The following TANC2 variants were observed in gnomAD, a reference collection of about 807,000 sequenced individuals.
TANC2 encodes the protein tetratricopeptide repeat, ankyrin repeat and coiled-coil containing 2, also known as protein TANC2.
In TANC2, 26 loss-of-function variants were observed where a neutral mutation model predicts 210.5. The ratio of observed to expected loss-of-function variants is 0.12; its 90% CI spans 0.09 to 0.17. The LOEUF is 0.17. Among genes scored for constraint, TANC2 ranks in the 10% least tolerant of loss-of-function variants. TANC2 has a pLI of 1.00. For missense variants in TANC2, 2,129 were observed against 2,608.9 expected, an observed-to-expected ratio of 0.82 and a Z score of 4.01; for synonymous variants, 931 against 967.1, an observed-to-expected ratio of 0.96 and a Z score of 0.69.
intron 2 of TANC2, among the ~76,000 whole-genome samples, chr17:63,033,213 C>T (rs2144157784): frequency 6.6e-6 from 1 of 152,224 alleles, no homozygotes; most frequent in Non-Finnish European, 1.5e-5. Flanking sequence ...ATTATGTAGG[C>T]ATGATTGATG....
chr17:63,191,732 G>A (rs1230231232), intron 5 of TANC2, among the ~76,000 whole-genome samples: 1 of 152,078 alleles, frequency 6.6e-6, no homozygotes, highest in Non-Finnish European at 1.5e-5. Context: ...CAAAGTGCTG[G>A]GATTTCAAGC....
At chr17:63,035,530 G>A (rs1276346659) in intron 2 of TANC2, among the ~76,000 whole-genome samples, 2 of 152,180 alleles carry the variant, frequency 1.3e-5, no homozygotes, top group African/African-American at 2.4e-5. Context: ...GTGTCAAAAA[G>A]TACTAGCGAG....
chr17:63,424,776 A>G (rs2049105138), exon 28 of TANC2: 1 of 152,214 alleles, frequency 6.6e-6, no homozygotes, highest in Admixed American at 6.5e-5. Flanking sequence ...ATTAGAAAAT[A>G]GCAGAACCGC....
At position 62,988,218 on chromosome 17, in the gene TANC2, C is replaced by T. The variant is rs1320765421; in HGVS notation, c.-23-21319C>T. 3.3e-5 allele frequency among the ~76,000 whole-genome samples: 5 copies of T among 152,008 alleles called. No homozygotes were observed. The East Asian group carries it at 9.7e-4, about 29-fold the overall frequency. ...TCTCAGCTCACTGCAACCTCTGCCT[C>T]CTAGGTTCAAGCGATTCTTCTGCCT... On this transcript the variant is annotated intron_variant, in intron 1 of 27. Transcript: ENST00000689528.
chr17:63,305,645 A>T (rs1035770916), intron 9 of TANC2: 1 of 152,218 alleles, frequency 6.6e-6, no homozygotes, highest in African/African-American at 2.4e-5. Context: ...AAATGTTAAT[A>T]AGTAGTGTAA....
At chr17:63,163,734 A>G (rs2040108164) in intron 5 of TANC2, among the ~76,000 whole-genome samples, 1 of 152,216 alleles carries the variant, frequency 6.6e-6, no homozygotes, top group Non-Finnish European at 1.5e-5. Flanking sequence ...AGAATCCTGT[A>G]TTCATAGACC....
intron 4 of TANC2, among the ~76,000 whole-genome samples, chr17:63,114,769 TAA>T (rs1374925584): frequency 6.6e-6 from 1 of 152,192 alleles, no homozygotes; most frequent in Admixed American, 6.5e-5. Context: ...TAAAACTGTA[TAA>T]GTTTTAGCAT....
intron 8 of TANC2, among the ~76,000 whole-genome samples, chr17:63,256,823 A>G (rs562049414): frequency 9.2e-5 from 14 of 152,128 alleles, no homozygotes; most frequent in Non-Finnish European, 1.8e-4. Flanking sequence ...TACAGTTGTT[A>G]TATCCTCTTG....
In TANC2 at chr17:63,170,129, C is replaced by CA. The variant is rs199704945; in HGVS notation, c.433+18759dup. Among the ~76,000 whole-genome samples, 743 of 128,960 alleles carry CA rather than the reference C, an allele frequency of 5.8e-3. 1 individual carries two copies. Among genetic ancestry groups the CA allele is most frequent in the Non-Finnish European group, 8.9e-3 (547 of 61,784 alleles). 84.6% of individuals were successfully genotyped at this position (128,960 alleles called of 152,430 possible). A position where few individuals can be genotyped will look rare whatever the true frequency, so the allele number is the denominator to read the frequency against. On this transcript the variant is annotated intron_variant, in intron 5 of 27. Transcript: ENST00000689528. The stretch of plus-strand genomic sequence containing the variant: ...TGGGTGATAGAGCAAGACTCTGTCT[C>CA]AAAAAAAAAATTTATTGGCGGGGCA...
At position 63,194,911 on chromosome 17, in the gene TANC2, C is replaced by A. The variant is rs984194591; in HGVS notation, c.582+772C>A. On this transcript the variant is annotated intron_variant, in intron 6 of 27. Transcript: ENST00000689528. ...ATGTAGCAAAAAAAAGTACTAGAGT[C>A]AGATTCATTTGTATGATCTTAATCT... Among the ~76,000 whole-genome samples the A allele has an allele frequency of 7.9e-5, 12 of 152,020 alleles. No homozygotes were observed. The South Asian group carries it at 2.5e-3, about 32-fold the overall frequency.
chr17:63,224,326 A>G (rs1032373701), intron 7 of TANC2, among the ~76,000 whole-genome samples: 5 of 144,788 alleles, frequency 3.5e-5, no homozygotes, highest in African/African-American at 5.2e-5. Context: ...ATCTTGGCTC[A>G]CTGCAGCCTC....
At chr17:63,404,919 C>T (rs1488925869) in intron 19 of TANC2, among the ~76,000 whole-genome samples, 1 of 152,120 alleles carries the variant, frequency 6.6e-6, no homozygotes, top group Non-Finnish European at 1.5e-5. Flanking sequence ...TTATTGTCTC[C>T]AAATATTGTG....
chr17:62,985,479 T>G (rs755949248), intron 1 of TANC2, among the ~76,000 whole-genome samples: 53 of 152,160 alleles, frequency 3.5e-4, no homozygotes, highest in Non-Finnish European at 5.7e-4. Flanking sequence ...TTTTCACATT[T>G]CCTTTCCTTC....
At chr17:63,072,336 A>G (rs1312129082) in intron 2 of TANC2, among the ~76,000 whole-genome samples, 1 of 152,132 alleles carries the variant, frequency 6.6e-6, no homozygotes, top group Non-Finnish European at 1.5e-5. Flanking sequence ...GGACAAAATT[A>G]AAGAATTTAA....
chr17:63,332,457 G>A, intron 11 of TANC2: 1 of 399,698 alleles, frequency 2.5e-6, no homozygotes, highest in Non-Finnish European at 5.0e-6. Flanking sequence ...GACTCAAAGT[G>A]AGTAATCAGC....
chr17:63,196,714 G>C (rs2041357345), intron 6 of TANC2, among the ~76,000 whole-genome samples: 1 of 152,184 alleles, frequency 6.6e-6, no homozygotes, highest in Non-Finnish European at 1.5e-5. Flanking sequence ...ATTTGGATGT[G>C]TCACTTAACC....
At chr17:62,988,295 CTTTT>C (rs59386058) in intron 1 of TANC2, among the ~76,000 whole-genome samples, 51 of 111,738 alleles carry the variant, frequency 4.6e-4, no homozygotes, top group South Asian at 2.4e-3. Flanking sequence ...ACCTGGCTAA[CTTTT>C]TTTTTTTTTT....
At position 63,099,160 on chromosome 17, in the gene TANC2, A is replaced by C. The variant is rs1416267795; in HGVS notation, c.140-15A>C. 6.2e-7 allele frequency: 1 copy of C among 1,609,506 alleles called. No individual in the cohort carries two copies. Among genetic ancestry groups the C allele is most frequent in the East Asian group, 2.2e-5 (1 of 44,756 alleles). Reference sequence around the variant, plus strand: ...CTTTTCTCACCAGCTCTTTTGTTCCATCCCCTTCTAACAGGTGGCATCTCC... The same window carrying C: ...CTTTTCTCACCAGCTCTTTTGTTCCCTCCCCTTCTAACAGGTGGCATCTCC... On this transcript the variant is annotated splice_polypyrimidine_tract_variant and intron_variant, in intron 3 of 27. Transcript: ENST00000689528.
At chr17:63,145,566 TC>T (rs2039436000) in intron 4 of TANC2, among the ~76,000 whole-genome samples, 1 of 152,144 alleles carries the variant, frequency 6.6e-6, no homozygotes, top group Non-Finnish European at 1.5e-5. Flanking sequence ...AGGTCTTTGA[TC>T]CATTTTGAGT....
Sources: gnomAD v4.1 joint callset for allele counts (sites outside exome capture counted in the v4.1 genomes callset) on GRCh38, gnomAD v4.1.1 for gene constraint, MANE v1.5 for transcripts, NCBI Gene and HGNC (gene_info 2026-07-23, HGNC 2026-07-21) for gene names.